Variants in PKHD1 observed in about 807,000 individuals in gnomAD.
PKHD1 encodes the protein PKHD1 ciliary IPT domain containing fibrocystin/polyductin.
PKHD1 carries 291 observed loss-of-function variants against 412.0 expected under a neutral mutation model. The observed-to-expected ratio is 0.71, with a 90% CI of 0.64 to 0.78. PKHD1 has a LOEUF of 0.78. Among genes scored for constraint, PKHD1 ranks in the 30% least tolerant of loss-of-function variants. The pLI is 0.00. For synonymous variants in PKHD1, 1,777 were observed against 1,821.5 expected (o/e 0.98, Z 0.62); for missense variants, 4,825 against 4,950.7 (o/e 0.97, Z 0.76).
At chr6:51,717,611 C>A (rs1425390954) in intron 60 of PKHD1, among the ~76,000 whole-genome samples, 1 of 152,096 alleles carries the variant, frequency 6.6e-6, no homozygotes, top group East Asian at 1.9e-4. Flanking sequence ...CCATATAGCC[C>A]AGGTTTGGAG....
intron 52 of PKHD1, among the ~76,000 whole-genome samples, chr6:51,799,214 T>C (rs1795040395): frequency 6.6e-6 from 1 of 152,122 alleles, no homozygotes; most frequent in African/African-American, 2.4e-5. Flanking sequence ...CCAATAGTTA[T>C]CTAAGGAAAA....
intron 35 of PKHD1, among the ~76,000 whole-genome samples, chr6:51,968,176 C>G (rs1302378151): frequency 6.6e-6 from 1 of 152,142 alleles, no homozygotes; most frequent in African/African-American, 2.4e-5. Context: ...GCTCTAATTA[C>G]TTCTAATGTT....
At chr6:51,960,070 G>A (rs777419772) in intron 35 of PKHD1, 44 bp from the exon 36 acceptor site, 3 of 1,602,282 alleles carry the variant, frequency 1.9e-6, no homozygotes, top group East Asian at 2.2e-5. Flanking sequence ...TGGTTGGTTG[G>A]CTGGTCTGTT....
chr6:51,742,856 T>C (rs889684980), intron 60 of PKHD1, among the ~76,000 whole-genome samples: 2 of 152,130 alleles, frequency 1.3e-5, no homozygotes, highest in Non-Finnish European at 2.9e-5. Flanking sequence ...CTCATGATTA[T>C]TTTAGATAGG....
Position 51,618,646 on chromosome 6 carries a change from T to C in PKHD1, c.*435A>G, listed in dbSNP as rs1244280536. On this transcript the variant is annotated 3_prime_UTR_variant, in exon 67 of 67. Transcript: ENST00000371117. ...GCTACTACAGGATAAAGAAATGCTTTTCTGTAACAGTGTGGAATTAAACTG... is the reference window on the plus strand; with the variant it reads ...GCTACTACAGGATAAAGAAATGCTTCTCTGTAACAGTGTGGAATTAAACTG... The C allele has an allele frequency of 3.7e-6, 1 of 268,448 alleles. No homozygotes were observed. The highest frequency in any genetic ancestry group is 2.2e-5 in the African/African-American group (1 of 44,684). The allele number at this position is 268,448 out of a possible 1,614,324, so 16.6% of individuals were successfully genotyped here.
intron 27 of PKHD1, among the ~76,000 whole-genome samples, chr6:52,038,374 CAAAA>C (rs34413030): frequency 1.8e-5 from 2 of 111,558 alleles, no homozygotes; most frequent in Non-Finnish European, 4.0e-5. Context: ...GACTCGGTCT[CAAAA>C]AAAAAAAAAA....
Position 52,050,180 on chromosome 6 carries a change from C to T in PKHD1, c.2256G>A (p.Thr752=), listed in dbSNP as rs1054508460. 5.6e-6 allele frequency: 9 copies of T among 1,614,130 alleles called. No individual in the cohort carries two copies. Among genetic ancestry groups the T allele is most frequent in the Admixed American group, 1.7e-5 (1 of 60,026 alleles). ...SVTSWLAGCG[T]ELPLITARSV... is the part of the protein sequence containing the mutation. ...ACCGTGCAGTGATGAGCGGGAGCTC[C>T]GTGCCACACCCCGCCAGCCAGGAGG... is the stretch of plus-strand genomic sequence containing the variant. The change falls in exon 22 of 67, where the codon ACG becomes ACA. Residue 752 remains threonine, a synonymous_variant. Coordinates refer to ENST00000371117, the MANE Select transcript of PKHD1 (RefSeq NM_138694.4).
intron 61 of PKHD1, among the ~76,000 whole-genome samples, chr6:51,653,356 G>A (rs959753857): frequency 3.9e-5 from 6 of 151,992 alleles, no homozygotes; most frequent in African/African-American, 1.4e-4. Context: ...ATGATCTGAC[G>A]GTTTTTTTCT....
intron 19 of PKHD1, among the ~76,000 whole-genome samples, chr6:52,055,156 C>T (rs1339266388): frequency 6.6e-6 from 1 of 152,192 alleles, no homozygotes; most frequent in African/African-American, 2.4e-5. Context: ...TAGATTATCT[C>T]ATTTAATCTA....
chr6:51,924,488 C>T (rs1303151622), intron 37 of PKHD1, among the ~76,000 whole-genome samples: 1 of 152,176 alleles, frequency 6.6e-6, no homozygotes, highest in African/African-American at 2.4e-5. Flanking sequence ...TTTTGAGCAG[C>T]AGCACAATAT....
At chr6:51,982,855 A>AAAAATAAAATAAAAT (rs376352534) in intron 35 of PKHD1, among the ~76,000 whole-genome samples, 8 of 126,030 alleles carry the variant, frequency 6.3e-5, no homozygotes, top group South Asian at 2.6e-4. Flanking sequence ...ATAAAAAAAT[A>AAAAATAAAATAAAAT]AAAATAAAAT....
At chr6:51,733,412 A>G (rs915998108) in intron 60 of PKHD1, among the ~76,000 whole-genome samples, 1 of 151,434 alleles carries the variant, frequency 6.6e-6, no homozygotes, top group African/African-American at 2.4e-5. Context: ...TGGTGGTGGG[A>G]GCCTGTAGTC....
rs941857650 is a variant in PKHD1, at chr6:52,007,282, A to T, written c.5751+3027T>A. 3.9e-4 allele frequency among the ~76,000 whole-genome samples: 59 copies of T among 152,238 alleles called. 1 individual carries two copies. Among genetic ancestry groups the T allele is most frequent in the African/African-American group, 1.4e-3 (57 of 41,536 alleles). On this transcript the variant is annotated intron_variant, in intron 35 of 66. Coordinates refer to ENST00000371117, the MANE Select transcript of PKHD1 (RefSeq NM_138694.4). The stretch of plus-strand genomic sequence containing the variant: ...AATCTCCACACTGTTATCCATAGTG[A>T]TTGTACTAGTTTACATTCCCACCAG...
intron 60 of PKHD1, among the ~76,000 whole-genome samples, chr6:51,737,064 T>C (rs930547480): frequency 6.6e-6 from 1 of 152,186 alleles, no homozygotes; most frequent in Non-Finnish European, 1.5e-5. Context: ...TTGAGGCCAG[T>C]CACTTTTAAG....
At chr6:51,712,149 C>A (rs1490439277) in intron 60 of PKHD1, among the ~76,000 whole-genome samples, 3 of 152,226 alleles carry the variant, frequency 2.0e-5, no homozygotes, top group Non-Finnish European at 1.5e-5. Flanking sequence ...TCTATCCTTT[C>A]CTTGCAACAT....
chr6:52,073,533 T>C lies in PKHD1; in HGVS notation c.457A>G (p.Ile153Val). ...GTGATAATCCAGCCATATACATGTA[T>C]TAGTTTTCCTGTTTGAAGAAGAATT... ...YPPSGVPGKL[I>V]HVYGWIITGR... The change falls in exon 7 of 67, where the codon ATA (isoleucine) becomes GTA (valine). Residue 153 changes from isoleucine (I) to valine (V), a missense_variant. Transcript: ENST00000371117. 7 of 1,593,458 alleles carry C rather than the reference T, an allele frequency of 4.4e-6. No homozygotes were observed. Among genetic ancestry groups the C allele is most frequent in the Non-Finnish European group, 6.0e-6 (7 of 1,161,252 alleles).
In PKHD1 at chr6:51,805,349, T is replaced by A. The variant is rs2049206950; in HGVS notation, c.8303-13976A>T. 2.1e-5 allele frequency among the ~76,000 whole-genome samples: 2 copies of A among 95,692 alleles called. 1 individual carries two copies. The highest frequency in any genetic ancestry group is 8.1e-4 in the South Asian group (2 of 2,474). The allele number at this position is 95,692 out of a possible 152,430, so 62.8% of individuals were successfully genotyped here. A position where few individuals can be genotyped will look rare whatever the true frequency, so the allele number is the denominator to read the frequency against. On this transcript the variant is annotated intron_variant, in intron 52 of 66. Transcript: ENST00000371117. ...CGTTGGGTACACATGGACATAGAAA[T>A]GAAAATAACACACTAGAGACTGCTA...
chr6:52,052,834 T>C (rs1022475217), intron 21 of PKHD1, among the ~76,000 whole-genome samples: 2 of 151,952 alleles, frequency 1.3e-5, no homozygotes, highest in Non-Finnish European at 2.9e-5. Flanking sequence ...GTGGGAAAAC[T>C]GGAGTAAGAA....
chr6:51,728,085 C>T (rs754407637), intron 60 of PKHD1, among the ~76,000 whole-genome samples: 7 of 152,164 alleles, frequency 4.6e-5, no homozygotes, highest in South Asian at 2.1e-4. Flanking sequence ...TTGTCAAGCA[C>T]GCACCATGCT....
Sources: gnomAD v4.1 joint callset for allele counts (sites outside exome capture counted in the v4.1 genomes callset) on GRCh38, gnomAD v4.1.1 for gene constraint, MANE v1.5 for transcripts, NCBI Gene and HGNC (gene_info 2026-07-23, HGNC 2026-07-21) for gene names.